The following CHI3L1 variants were observed in gnomAD, a reference collection of about 807,000 sequenced individuals.
CHI3L1 encodes chitinase-3-like protein 1.
In CHI3L1, 30 loss-of-function variants were observed where a neutral mutation model predicts 40.7. The observed-to-expected ratio is 0.74, with a 90% CI of 0.55 to 1.00. CHI3L1 has a LOEUF of 1.00. Among genes scored for constraint, CHI3L1 ranks in the 50% least tolerant of loss-of-function variants. CHI3L1 has a pLI of 0.00. For synonymous variants in CHI3L1, 210 were observed against 192.1 expected, an observed-to-expected ratio of 1.09 and a Z score of -0.77; for missense variants, 493 against 492.2, an observed-to-expected ratio of 1.00 and a Z score of -0.01.
At position 203,179,326 on chromosome 1, in the gene CHI3L1, G is replaced by C. The variant is rs367743236; in HGVS notation, c.*119C>G. 2 of 916,006 alleles carry C rather than the reference G, an allele frequency of 2.2e-6. No individual in the cohort carries two copies. The highest frequency in any genetic ancestry group is 3.6e-5 in the South Asian group (2 of 56,014). The allele number at this position is 916,006 out of a possible 1,614,324, so 56.7% of individuals were successfully genotyped here. A position where few individuals can be genotyped will look rare whatever the true frequency, so the allele number is the denominator to read the frequency against. On this transcript the variant is annotated 3_prime_UTR_variant, in exon 10 of 10. Transcript: ENST00000255409. ...TTGTGGACCTCTGCATAGGCCCCAA[G>C]GGAGGGAGACTGAGGCTCAGCCTGG...
intron 4 of CHI3L1, 87 bp from the exon 5 acceptor site, chr1:203,183,878 G>A: frequency 1.4e-6 from 2 of 1,471,192 alleles, no homozygotes; most frequent in Non-Finnish European, 1.9e-6. Flanking sequence ...GACCTGCAGA[G>A]CTGGGATCCT....
At chr1:203,184,464 C>T (rs1382948690) in intron 4 of CHI3L1, 112 bp downstream of exon 4, 1 of 847,974 alleles carries the variant, frequency 1.2e-6, no homozygotes, top group East Asian at 2.4e-5. Context: ...AGGCCTTGTA[C>T]CTATCTAGTC....
At chr1:203,181,027 C>T in intron 7 of CHI3L1, 135 bp downstream of exon 7, 1 of 1,215,650 alleles carries the variant, frequency 8.2e-7, no homozygotes, top group Non-Finnish European at 1.1e-6. Context: ...GCCTCAGTTT[C>T]CTTATCTGTG....
In CHI3L1 at chr1:203,179,845, A is replaced by G; in HGVS notation, c.927T>C (p.His309=). ...ICDFLRGATV[H]RILGQQVPYA... The stretch of plus-strand genomic sequence containing the variant: ...AGGGGACCTGCTGGCCGAGGATTCT[A>G]TGGACTGTGGCTCCGCGGAGGAAGT... The change falls in exon 9 of 10, where the codon CAT becomes CAC. Residue 309 remains histidine, a synonymous_variant. Transcript: ENST00000255409. 4 of 1,614,124 alleles carry G rather than the reference A, an allele frequency of 2.5e-6. No individual in the cohort carries two copies. Among genetic ancestry groups the G allele is most frequent in the Non-Finnish European group, 3.4e-6 (4 of 1,180,008 alleles).
rs1558147760 is a variant in CHI3L1, at chr1:203,180,590, G to A, written c.774C>T (p.Ile258=). Residue 258 remains isoleucine (I), a synonymous_variant, in exon 8 of 10, where the codon ATC becomes ATT. Transcript: ENST00000255409. ...GAGTGAAGCTCCTCCCGAAGGTGGG[G>A]ATGCCCATCACCAGCTTACTGGCAG... ...GAPASKLVMG[I]PTFGRSFTLA... 6.8e-7 allele frequency: 1 copy of A among 1,470,856 alleles called. No homozygotes were observed. Among genetic ancestry groups the A allele is most frequent in the Non-Finnish European group, 9.2e-7 (1 of 1,089,448 alleles). The allele number at this position is 1,470,856 out of a possible 1,614,324, so 91.1% of individuals were successfully genotyped here.
At chr1:203,180,741 AT>A (rs1462845509) in intron 7 of CHI3L1, 89 bp from the exon 8 acceptor site, 7 of 970,550 alleles carry the variant, frequency 7.2e-6, no homozygotes, top group Non-Finnish European at 1.1e-5. Flanking sequence ...AGCAGGGGTT[AT>A]TGGTGTATGG....
intron 9 of CHI3L1, 34 bp from the exon 10 acceptor site, chr1:203,179,619 T>G: frequency 1.9e-6 from 3 of 1,613,286 alleles, no homozygotes; most frequent in Non-Finnish European, 2.5e-6. Context: ...CAGGGCTGGG[T>G]TCCCTGACCC....
intron 3 of CHI3L1, among the ~76,000 whole-genome samples, 179 bp downstream of exon 3, chr1:203,185,005 A>G (rs1202425246): frequency 1.3e-5 from 2 of 152,040 alleles, no homozygotes; most frequent in Non-Finnish European, 2.9e-5. Context: ...ACAGTCTCTC[A>G]TCACCCCAAA....
chr1:203,179,385 A>C lies in CHI3L1; in HGVS notation c.*60T>G. 2.1e-6 allele frequency: 3 copies of C among 1,449,688 alleles called. No individual in the cohort carries two copies. Among genetic ancestry groups the C allele is most frequent in the Non-Finnish European group, 1.9e-6 (2 of 1,074,916 alleles). 89.8% of individuals were successfully genotyped at this position (1,449,688 alleles called of 1,614,324 possible). On this transcript the variant is annotated 3_prime_UTR_variant, in exon 10 of 10. Coordinates refer to ENST00000255409, the MANE Select transcript of CHI3L1 (RefSeq NM_001276.4). ...AGGGCAGGTGATCAGGCTCCCGGCC[A>C]GCTGGAGCCAGAGGGGGACGGGGCA...
rs531908930 is a variant in CHI3L1, at chr1:203,183,599, A to G, written c.465+42T>C. 215 of 1,608,614 alleles carry G rather than the reference A, an allele frequency of 1.3e-4. 4 individuals are homozygous for G. In the South Asian group the frequency reaches 2.3e-3, roughly 17 times the overall value. ...GGCTTCTAGCCCACCCCATTCCCTCATGCCTGCCCACCTCCCTCCCTGTCC... is the reference window on the plus strand; with the variant it reads ...GGCTTCTAGCCCACCCCATTCCCTCGTGCCTGCCCACCTCCCTCCCTGTCC... On this transcript the variant is annotated intron_variant, in intron 5 of 9. Transcript: ENST00000255409.
rs1355148961 is a variant in CHI3L1, at chr1:203,185,386, C to T, written c.56-1G>A. ...TAGCAGACCAGTTTGTATGCAGAGC[C>T]TGAAGGAGAAGTCTGGGATGGGGCC... is the stretch of plus-strand genomic sequence containing the variant. On this transcript the variant is annotated splice_acceptor_variant, in intron 2 of 9. Coordinates refer to ENST00000255409, the MANE Select transcript of CHI3L1 (RefSeq NM_001276.4). LOFTEE classifies it high-confidence loss of function. 10 of 1,613,882 alleles carry T rather than the reference C, an allele frequency of 6.2e-6. No individual in the cohort carries two copies. The highest frequency in any genetic ancestry group is 7.6e-6 in the Non-Finnish European group (9 of 1,180,006).
chr1:203,186,511 C>T lies in CHI3L1; in HGVS notation c.25+88G>A, dbSNP rs1025189901. ...CTCCCCCTCTGCCCACTCCCTTAGT[C>T]CCTCACCCAGCAGGCAGATGGCTCT... is the stretch of plus-strand genomic sequence containing the variant. On this transcript the variant is annotated intron_variant, in intron 1 of 9. Coordinates refer to ENST00000255409, the MANE Select transcript of CHI3L1 (RefSeq NM_001276.4). The T allele has an allele frequency of 1.9e-6, 3 of 1,564,620 alleles. No individual in the cohort carries two copies. In the African/African-American group the frequency reaches 4.1e-5, roughly 21 times the overall value.
chr1:203,183,139 C>T (rs1274843180), intron 5 of CHI3L1, among the ~76,000 whole-genome samples: 1 of 152,208 alleles, frequency 6.6e-6, no homozygotes, highest in East Asian at 1.9e-4. Flanking sequence ...TATTGGCCCA[C>T]AGATGACTTT....
At chr1:203,185,407 G>T in intron 2 of CHI3L1, 22 bp from the exon 3 acceptor site, 1 of 1,610,440 alleles carries the variant, frequency 6.2e-7, no homozygotes. Context: ...GTCTGGGATG[G>T]GGCCCGGGCC....
intron 2 of CHI3L1, among the ~76,000 whole-genome samples, chr1:203,185,886 A>C (rs1454824949): frequency 2.6e-5 from 4 of 152,018 alleles, no homozygotes; most frequent in Non-Finnish European, 5.9e-5. Flanking sequence ...CTTGTAACCC[A>C]CCCGGAATGG....
Position 203,185,285 on chromosome 1 carries a change from G to T in CHI3L1, c.156C>A (p.Thr52=). The T allele has an allele frequency of 6.2e-7, 1 of 1,614,184 alleles. No individual in the cohort carries two copies. Among genetic ancestry groups the T allele is most frequent in the African/African-American group, 1.3e-5 (1 of 75,056 alleles). The change falls in exon 3 of 10, where the codon ACC becomes ACA. Residue 52 remains threonine, a synonymous_variant. Transcript: ENST00000255409. ...FPDALDRFLC[T]HIIYSFANIS... is the part of the protein sequence containing the mutation. Reference sequence around the variant, plus strand: ...TATTGGCAAAGCTGTAGATGATGTGGGTACAGAGGAAGCGGTCAAGGGCAT... The same window carrying T: ...TATTGGCAAAGCTGTAGATGATGTGTGTACAGAGGAAGCGGTCAAGGGCAT...
In CHI3L1 at chr1:203,183,726, A is replaced by C. The variant is rs758928783; in HGVS notation, c.380T>G (p.Leu127Arg). ...RTFIKSVPPF[L>R]RTHGFDGLDL... ...CAGCCCATCAAAGCCATGGGTGCGC[A>C]GAAATGGCGGTACTGACTTGATGAA... The change falls in exon 5 of 10, where the codon CTG becomes CGG. Residue 127 changes from leucine to arginine, a missense_variant. Leu to Arg is a moderately radical substitution (Grantham distance 102, BLOSUM62 -2). Transcript: ENST00000255409. 4 of 1,614,228 alleles carry C rather than the reference A, an allele frequency of 2.5e-6. No individual in the cohort carries two copies. In the South Asian group the frequency reaches 4.4e-5, roughly 18 times the overall value.
At position 203,186,592 on chromosome 1, in the gene CHI3L1, C is replaced by A; in HGVS notation, c.25+7G>T. ...TCTGATGGATTAACCTTGGCTAGCC[C>A]AGATACCTGTTTGAGACGCCTTCAC... On this transcript the variant is annotated splice_region_variant and intron_variant, in intron 1 of 9. Coordinates refer to ENST00000255409, the MANE Select transcript of CHI3L1 (RefSeq NM_001276.4). The A allele has an allele frequency of 6.2e-7, 1 of 1,614,114 alleles. No individual in the cohort carries two copies. The highest frequency in any genetic ancestry group is 8.5e-7 in the Non-Finnish European group (1 of 1,180,018).
At chr1:203,179,622 C>T (rs371109734) in intron 9 of CHI3L1, 37 bp from the exon 10 acceptor site, 1 of 1,613,464 alleles carries the variant, frequency 6.2e-7, no homozygotes, top group Non-Finnish European at 8.5e-7. Context: ...GGCTGGGTTC[C>T]CTGACCCAGA....
Sources: allele counts gnomAD v4.1 joint callset (sites outside exome capture counted in the v4.1 genomes callset), GRCh38; gene constraint gnomAD v4.1.1; transcripts MANE v1.5; gene names NCBI Gene and HGNC (gene_info 2026-07-23, HGNC 2026-07-21).